CEP128: variants seen among roughly 807,000 people sequenced by gnomAD.
CEP128 encodes the protein centrosomal protein 128kDa.
In CEP128, 132 loss-of-function variants were observed where a neutral mutation model predicts 156.7. The observed-to-expected ratio is 0.84, with a 90% CI of 0.73 to 0.97. The LOEUF is 0.97. CEP128 is among the 50% of genes least tolerant of loss of function. CEP128 has a pLI of 0.00. For missense variants in CEP128, 1,252 were observed against 1,281.9 expected (o/e 0.98, Z 0.36); for synonymous variants, 469 against 448.9 (o/e 1.04, Z -0.57).
chr14:80,784,843 G>T, intron 15 of CEP128, 52 bp downstream of exon 15: 1 of 1,430,704 alleles, frequency 7.0e-7, no homozygotes, highest in Non-Finnish European at 9.5e-7. Flanking sequence ...TTAACTTCAT[G>T]AGCCACCAGA....
chr14:80,527,071 A>C lies in CEP128; in HGVS notation c.2959-89T>G. On this transcript the variant is annotated intron_variant, in intron 22 of 24. Transcript: ENST00000555265. ...AGAGTAAGAAAGAGTCTATATGTAG[A>C]TAAAAATGAAAATAAATAATTACAA... The C allele has an allele frequency of 4.7e-6, 3 of 638,492 alleles. No homozygotes were observed. In the South Asian group the frequency reaches 5.8e-5, roughly 12 times the overall value. 39.6% of individuals were successfully genotyped at this position (638,492 alleles called of 1,614,324 possible).
intron 19 of CEP128, among the ~76,000 whole-genome samples, chr14:80,682,262 T>A (rs1896353828): frequency 6.6e-6 from 1 of 152,004 alleles, no homozygotes; most frequent in Admixed American, 6.6e-5. Context: ...TAAAAAACAA[T>A]CAGAACTTCT....
upstream of CEP128, among the ~76,000 whole-genome samples, chr14:80,945,261 C>T (rs1886312437): frequency 6.6e-6 from 1 of 152,178 alleles, no homozygotes; most frequent in Admixed American, 6.5e-5. Context: ...CTTGTAACGA[C>T]ACCCGTTATC....
intron 10 of CEP128, among the ~76,000 whole-genome samples, chr14:80,839,094 G>A (rs369020210): frequency 3.3e-5 from 5 of 152,054 alleles, no homozygotes; most frequent in African/African-American, 7.2e-5. Flanking sequence ...GCGAGACTCC[G>A]TCTCAAAAAA....
At chr14:80,532,378 G>T (rs376411911) in intron 21 of CEP128, among the ~76,000 whole-genome samples, 4 of 152,108 alleles carry the variant, frequency 2.6e-5, no homozygotes, top group South Asian at 4.2e-4. Context: ...TTCTCGGGAG[G>T]AGTTCATTAT....
chr14:80,913,371 T>C (rs776324374), intron 4 of CEP128, among the ~76,000 whole-genome samples: 8 of 152,246 alleles, frequency 5.3e-5, no homozygotes, highest in Non-Finnish European at 1.0e-4. Context: ...TGGAAAGTGA[T>C]ATACATTATT....
intron 16 of CEP128, among the ~76,000 whole-genome samples, chr14:80,762,068 A>G (rs1353643117): frequency 6.6e-6 from 1 of 152,088 alleles, no homozygotes; most frequent in Admixed American, 6.6e-5. Context: ...CCTTTATCTC[A>G]CCAAAACATA....
At chr14:80,761,944 T>A (rs1031776285) in intron 16 of CEP128, among the ~76,000 whole-genome samples, 3 of 152,112 alleles carry the variant, frequency 2.0e-5, no homozygotes. Flanking sequence ...GAGTAAAAGA[T>A]GATGTCAGAC....
chr14:80,843,634 G>GA (rs568783650), intron 9 of CEP128, among the ~76,000 whole-genome samples: 27 of 151,956 alleles, frequency 1.8e-4, no homozygotes, highest in Middle Eastern at 3.4e-3. Flanking sequence ...AAAAGCCAGT[G>GA]AAAAAATATT....
At chr14:80,506,107 C>T (rs1032353901) in intron 23 of CEP128, among the ~76,000 whole-genome samples, 4 of 152,054 alleles carry the variant, frequency 2.6e-5, no homozygotes, top group Non-Finnish European at 4.4e-5. Context: ...TATGAATCCA[C>T]GAAATCAGCC....
chr14:80,510,331 T>A (rs1888187277), intron 23 of CEP128, among the ~76,000 whole-genome samples: 1 of 152,116 alleles, frequency 6.6e-6, no homozygotes, highest in Non-Finnish European at 1.5e-5. Flanking sequence ...TGTAGAGATC[T>A]TTCACTACTT....
chr14:80,914,321 C>T lies in CEP128; in HGVS notation c.234+1G>A, dbSNP rs985182575. The T allele has an allele frequency of 1.2e-6, 2 of 1,609,992 alleles. No individual in the cohort carries two copies. Among genetic ancestry groups the T allele is most frequent in the Non-Finnish European group, 1.7e-6 (2 of 1,176,760 alleles). ...AAATGCAAACAAATGTAGTTTCTCA[C>T]ATGTTCTATCGCACCCGCCTGTCCA... On this transcript the variant is annotated splice_donor_variant, in intron 4 of 24. Transcript: ENST00000555265. LOFTEE classifies it high-confidence loss of function.
At chr14:80,518,533 C>T (rs1888597293) in intron 23 of CEP128, among the ~76,000 whole-genome samples, 2 of 152,114 alleles carry the variant, frequency 1.3e-5, no homozygotes, top group African/African-American at 4.8e-5. Flanking sequence ...TGACTTTCTG[C>T]CTACTGTTTT....
At chr14:80,880,595 T>C (rs1233276379) in intron 8 of CEP128, among the ~76,000 whole-genome samples, 1 of 151,484 alleles carries the variant, frequency 6.6e-6, no homozygotes, top group Non-Finnish European at 1.5e-5. Flanking sequence ...AAAAAACTAT[T>C]AAAAATAATA....
At chr14:80,911,931 C>G (rs529315365) in intron 4 of CEP128, among the ~76,000 whole-genome samples, 36 of 152,132 alleles carry the variant, frequency 2.4e-4, no homozygotes, top group Middle Eastern at 3.2e-3. Context: ...TATAAAACCA[C>G]TCCCGGGCAG....
downstream of CEP128, among the ~76,000 whole-genome samples, chr14:80,495,666 G>A (rs770018010): frequency 1.6e-4 from 25 of 151,908 alleles, no homozygotes; most frequent in Non-Finnish European, 2.8e-4. Context: ...TTGGTTTGGT[G>A]CAATTTTTTT....
chr14:80,647,126 TACACACACAC>T (rs1303390846), intron 19 of CEP128, among the ~76,000 whole-genome samples: 1 of 88,100 alleles, frequency 1.1e-5, no homozygotes, highest in Non-Finnish European at 2.4e-5. Flanking sequence ...CACACACACA[TACACACACAC>T]ACACACACAC....
rs546718986 is a variant in CEP128 at position 80,776,597 on chromosome 14, G to A, written c.2376+1285C>T. 1.9e-4 allele frequency among the ~76,000 whole-genome samples: 29 copies of A among 149,318 alleles called. No individual in the cohort carries two copies. In the South Asian group the frequency reaches 4.6e-3, roughly 24 times the overall value. On this transcript the variant is annotated intron_variant, in intron 16 of 24. Transcript: ENST00000555265. ...CAACATCTTATACACAACAAAAAGC[G>A]GAAATGTAAGCAAAGCACTAAGAAA...
chr14:80,798,315 G>C (rs1257331237), intron 13 of CEP128, among the ~76,000 whole-genome samples: 1 of 152,128 alleles, frequency 6.6e-6, no homozygotes, highest in African/African-American at 2.4e-5. Flanking sequence ...ATTATGTTAA[G>C]ATTTATTAAA....
Sources: gnomAD v4.1 joint callset for allele counts (sites outside exome capture counted in the v4.1 genomes callset) on GRCh38, gnomAD v4.1.1 for gene constraint, MANE v1.5 for transcripts, NCBI Gene and HGNC (gene_info 2026-07-23, HGNC 2026-07-21) for gene names.